The following PREX2 variants were observed in gnomAD, a reference collection of about 807,000 sequenced individuals.
The protein encoded by PREX2 is phosphatidylinositol-3,4,5-trisphosphate dependent Rac exchange factor 2, also known as phosphatidylinositol 3,4,5-trisphosphate-dependent Rac exchanger 2 protein.
In PREX2, 107 loss-of-function variants were observed where a neutral mutation model predicts 203.2. The observed-to-expected ratio is 0.53, with a 90% CI of 0.45 to 0.62. PREX2 has a LOEUF of 0.62. Ranked by LOEUF, PREX2 falls within the 20% of genes least tolerant of loss-of-function variation. The pLI is 0.00. For missense variants in PREX2, 1,777 were observed against 1,955.9 expected, an observed-to-expected ratio of 0.91 and a Z score of 1.72; for synonymous variants, 672 against 663.6, an observed-to-expected ratio of 1.01 and a Z score of -0.19.
chr8:68,053,980 A>G (rs2129611150), intron 9 of PREX2, among the ~76,000 whole-genome samples: 1 of 152,314 alleles, frequency 6.6e-6, no homozygotes, highest in Non-Finnish European at 1.5e-5. Context: ...CTACTAATTA[A>G]CAATTGATTT....
chr8:67,981,275 C>G (rs184090298), intron 1 of PREX2, among the ~76,000 whole-genome samples: 1 of 152,280 alleles, frequency 6.6e-6, no homozygotes, highest in African/African-American at 2.4e-5. Flanking sequence ...CTGCTCCACA[C>G]TCTGTCAAGG....
At position 68,115,742 on chromosome 8, in the gene PREX2, T is replaced by C; in HGVS notation, c.3147-11T>C. ...TGAAAATGTGCATTTTTTTTTAATATTACATTGCAGCCTTCTGTCTTCAAT... is the reference window on the plus strand; with the variant it reads ...TGAAAATGTGCATTTTTTTTTAATACTACATTGCAGCCTTCTGTCTTCAAT... On this transcript the variant is annotated splice_polypyrimidine_tract_variant and intron_variant, in intron 25 of 39. Transcript: ENST00000288368. 6.3e-7 allele frequency: 1 copy of C among 1,592,230 alleles called. No homozygotes were observed. Among genetic ancestry groups the C allele is most frequent in the Non-Finnish European group, 8.5e-7 (1 of 1,170,054 alleles).
chr8:68,092,021 G>A (rs952650294), intron 20 of PREX2, among the ~76,000 whole-genome samples: 6 of 152,202 alleles, frequency 3.9e-5, no homozygotes, highest in Admixed American at 6.5e-5. Flanking sequence ...GGTTACTGAC[G>A]TGGCTGCATT....
At position 67,973,801 on chromosome 8, in the gene PREX2, C is replaced by T. The variant is rs1235067240; in HGVS notation, c.141+21266C>T. ...ATAGTAAAGCAAGTCAGACATTTTACAGCTGGGAGCAGTTGTATTAGTAGT... is the reference window on the plus strand; with the variant it reads ...ATAGTAAAGCAAGTCAGACATTTTATAGCTGGGAGCAGTTGTATTAGTAGT... On this transcript the variant is annotated intron_variant, in intron 1 of 39. Transcript: ENST00000288368. Among the ~76,000 whole-genome samples, 4 of 152,108 alleles carry T rather than the reference C, an allele frequency of 2.6e-5. No homozygotes were observed. The East Asian group carries it at 5.8e-4, about 22-fold the overall frequency.
chr8:68,056,931 A>T (rs1808695469), intron 10 of PREX2, among the ~76,000 whole-genome samples: 1 of 152,164 alleles, frequency 6.6e-6, no homozygotes, highest in African/African-American at 2.4e-5. Context: ...GAGTTTACCT[A>T]CAGTGCTCAC....
At chr8:68,210,774 G>C (rs982143345) in intron 37 of PREX2, among the ~76,000 whole-genome samples, 19 of 152,150 alleles carry the variant, frequency 1.2e-4, no homozygotes, top group Admixed American at 6.5e-5. Context: ...TGCAATCATG[G>C]TAAATGACCA....
intron 35 of PREX2, among the ~76,000 whole-genome samples, chr8:68,171,301 A>C (rs953483938): frequency 6.6e-6 from 1 of 152,324 alleles, no homozygotes; most frequent in East Asian, 1.9e-4. Flanking sequence ...TTTATGTAAT[A>C]AGTAGAAGGA....
chr8:68,231,428 A>G lies in PREX2; in HGVS notation c.*50A>G. 6.7e-7 allele frequency: 1 copy of G among 1,484,858 alleles called. No homozygotes were observed. Among genetic ancestry groups the G allele is most frequent in the Non-Finnish European group, 9.2e-7 (1 of 1,091,050 alleles). The allele number at this position is 1,484,858 out of a possible 1,614,324, so 92.0% of individuals were successfully genotyped here. On this transcript the variant is annotated 3_prime_UTR_variant, in exon 40 of 40. Coordinates refer to ENST00000288368, the MANE Select transcript of PREX2 (RefSeq NM_024870.4). ...GGCAGAAGCTCCTGAATGCTGGACTAGACAAACTACATGCTGGCTAAACAT... is the reference window on the plus strand; with the variant it reads ...GGCAGAAGCTCCTGAATGCTGGACTGGACAAACTACATGCTGGCTAAACAT...
chr8:68,116,587 G>A (rs180813648), intron 26 of PREX2, among the ~76,000 whole-genome samples: 136 of 152,290 alleles, frequency 8.9e-4, no homozygotes, highest in African/African-American at 3.0e-3. Context: ...GCCAGGCGTG[G>A]CTCCTTGACG....
At chr8:68,208,776 A>G (rs531457183) in intron 37 of PREX2, among the ~76,000 whole-genome samples, 1 of 152,256 alleles carries the variant, frequency 6.6e-6, no homozygotes, top group South Asian at 2.1e-4. Context: ...CATGATCAGC[A>G]GTGTCTTGCA....
chr8:68,074,437 T>G (rs900467497), intron 14 of PREX2, among the ~76,000 whole-genome samples: 1 of 152,182 alleles, frequency 6.6e-6, no homozygotes, highest in Non-Finnish European at 1.5e-5. Context: ...TAGATTTTAG[T>G]TTTTACAACT....
chr8:68,042,890 C>T (rs984432797), intron 7 of PREX2, among the ~76,000 whole-genome samples: 1 of 151,878 alleles, frequency 6.6e-6, no homozygotes, highest in African/African-American at 2.4e-5. Flanking sequence ...ACAGTAAGAT[C>T]ATAAAAAATT....
chr8:67,967,320 T>C (rs1005112222), intron 1 of PREX2, among the ~76,000 whole-genome samples: 4 of 152,260 alleles, frequency 2.6e-5, no homozygotes, highest in Non-Finnish European at 5.9e-5. Flanking sequence ...AGTGTCATTC[T>C]TTAGTTGTCA....
At chr8:68,181,223 T>A (rs1812079041) in intron 35 of PREX2, among the ~76,000 whole-genome samples, 1 of 152,170 alleles carries the variant, frequency 6.6e-6, no homozygotes, top group African/African-American at 2.4e-5. Flanking sequence ...TCTGTTCATC[T>A]GAGGAGTGAA....
At chr8:68,070,423 C>T (rs2129611602) in intron 13 of PREX2, among the ~76,000 whole-genome samples, 1 of 151,838 alleles carries the variant, frequency 6.6e-6, no homozygotes, top group East Asian at 1.9e-4. Flanking sequence ...TGAAGAGGCA[C>T]ACTTGTTTTA....
At chr8:67,971,512 A>C (rs1313203940) in intron 1 of PREX2, among the ~76,000 whole-genome samples, 1 of 152,190 alleles carries the variant, frequency 6.6e-6, no homozygotes, top group Non-Finnish European at 1.5e-5. Context: ...ATATATATTA[A>C]TCAAGGATTG....
At chr8:68,193,160 C>T (rs1344677669) in intron 37 of PREX2, among the ~76,000 whole-genome samples, 3 of 152,158 alleles carry the variant, frequency 2.0e-5, no homozygotes, top group African/African-American at 7.2e-5. Context: ...GTGGGAATCC[C>T]TGAGTCAAGT....
In PREX2 at chr8:68,121,034, A is replaced by T. The variant is rs1810762653; in HGVS notation, c.3709A>T (p.Arg1237Trp). The change falls in exon 30 of 40, where the codon AGG (arginine) becomes TGG (tryptophan). Residue 1237 changes from arginine to tryptophan, a missense_variant. Physicochemically the swap from Arg to Trp is moderately radical, Grantham distance 101. Coordinates refer to ENST00000288368, the MANE Select transcript of PREX2 (RefSeq NM_024870.4). ...SSVRTLAQNIRKFVEEVKCRL... is the reference protein window; with the variant it reads ...SSVRTLAQNIWKFVEEVKCRL... ...CGTCCGGACTCTTGCTCAGAACATC[A>T]GGAAATTTGTTGAAGGTCAGCATGA... 6.2e-7 allele frequency: 1 copy of T among 1,613,208 alleles called. No homozygotes were observed.
At chr8:68,183,482 A>C (rs1388868174) in intron 35 of PREX2, among the ~76,000 whole-genome samples, 2 of 152,112 alleles carry the variant, frequency 1.3e-5, no homozygotes, top group African/African-American at 4.8e-5. Flanking sequence ...TTTCCTGTCC[A>C]TTTCCATGGA....
Sources: gnomAD v4.1 joint callset for allele counts (sites outside exome capture counted in the v4.1 genomes callset) on GRCh38, gnomAD v4.1.1 for gene constraint, MANE v1.5 for transcripts, NCBI Gene and HGNC (gene_info 2026-07-23, HGNC 2026-07-21) for gene names.